The following MMP16 variants were observed in gnomAD, a reference collection of about 807,000 sequenced individuals.
MMP16 encodes the protein matrix metalloproteinase-16.
In MMP16, 12 loss-of-function variants were observed where a neutral mutation model predicts 67.8. That is an observed-to-expected ratio of 0.18 (90% CI 0.11 to 0.29). MMP16 has a LOEUF of 0.29. Ranked by LOEUF, MMP16 falls within the 10% of genes least tolerant of loss-of-function variation. The probability of loss-of-function intolerance (pLI) is 1.00; values close to 1 mark genes in which losing one functional copy is unlikely to be tolerated. For missense variants in MMP16, 475 were observed against 765.7 expected, an observed-to-expected ratio of 0.62 and a Z score of 4.48; for synonymous variants, 249 against 255.9, an observed-to-expected ratio of 0.97 and a Z score of 0.26.
intron 1 of MMP16, among the ~76,000 whole-genome samples, chr8:88,244,546 C>T (rs1202140270): frequency 6.6e-6 from 1 of 152,102 alleles, no homozygotes; most frequent in Non-Finnish European, 1.5e-5. Flanking sequence ...ATGTACTGAG[C>T]ATTCTTTATG....
chr8:88,048,003 T>C (rs1808220713), intron 8 of MMP16, among the ~76,000 whole-genome samples: 1 of 152,132 alleles, frequency 6.6e-6, no homozygotes, highest in South Asian at 2.1e-4. Flanking sequence ...AGATGTGGGA[T>C]GTGAAAGAGA....
At chr8:88,091,271 T>G (rs1176313824) in intron 6 of MMP16, among the ~76,000 whole-genome samples, 2 of 151,846 alleles carry the variant, frequency 1.3e-5, no homozygotes, top group Non-Finnish European at 2.9e-5. Context: ...ATAATACCTA[T>G]TTTCCCCCAA....
rs199648667 is a variant in MMP16, at chr8:88,165,196, A to G, written c.709+2473T>C. Reference sequence around the variant, plus strand: ...CCATCTCTAAAAAAAAAAAAAAAAAAAAAGAAAGAAAGAAAAAACCCAGCT... The same window carrying G: ...CCATCTCTAAAAAAAAAAAAAAAAAGAAAGAAAGAAAGAAAAAACCCAGCT... On this transcript the variant is annotated intron_variant, in intron 4 of 9. Transcript: ENST00000286614. Among the ~76,000 whole-genome samples, 527 of 150,456 alleles carry G rather than the reference A, an allele frequency of 3.5e-3. 5 individuals are homozygous for G. The highest frequency in any genetic ancestry group is 0.01 in the African/African-American group (427 of 41,040).
intron 6 of MMP16, among the ~76,000 whole-genome samples, chr8:88,095,341 AC>A (rs1354140719): frequency 6.6e-6 from 1 of 151,668 alleles, no homozygotes; most frequent in Non-Finnish European, 1.5e-5. Flanking sequence ...GTTAGAAAGT[AC>A]TAAGAGTCCT....
At chr8:88,085,720 C>T (rs1808823030) in intron 6 of MMP16, among the ~76,000 whole-genome samples, 1 of 151,870 alleles carries the variant, frequency 6.6e-6, no homozygotes, top group Admixed American at 6.6e-5. Flanking sequence ...AAAATGTAAA[C>T]TATTTTAATA....
chr8:88,302,692 GGAGAAA>G (rs1811122413), intron 1 of MMP16, among the ~76,000 whole-genome samples: 1 of 152,174 alleles, frequency 6.6e-6, no homozygotes, highest in Admixed American at 6.5e-5. Context: ...GTGAGTAAAA[GGAGAAA>G]GAGAATAGGA....
chr8:88,231,714 C>T (rs1026737215), intron 1 of MMP16, among the ~76,000 whole-genome samples: 1 of 152,152 alleles, frequency 6.6e-6, no homozygotes, highest in Non-Finnish European at 1.5e-5. Context: ...GGTAGGTTCC[C>T]ACTCCCCTAT....
intron 1 of MMP16, among the ~76,000 whole-genome samples, chr8:88,265,696 T>A (rs922630663): frequency 1.8e-4 from 27 of 152,180 alleles, no homozygotes; most frequent in Non-Finnish European, 1.3e-4. Flanking sequence ...ATATCTTGTT[T>A]TTTAAGAATA....
intron 1 of MMP16, among the ~76,000 whole-genome samples, chr8:88,202,568 G>T (rs924042622): frequency 2.6e-5 from 4 of 152,004 alleles, no homozygotes; most frequent in African/African-American, 7.3e-5. Flanking sequence ...CATCTGCTCA[G>T]ATTTTACTGT....
rs1263041699 is a variant in MMP16 at position 88,147,135 on chromosome 8, C to T, written c.709+20534G>A. 2.0e-5 allele frequency among the ~76,000 whole-genome samples: 3 copies of T among 151,946 alleles called. No individual in the cohort carries two copies. In the East Asian group the frequency reaches 5.8e-4, roughly 29 times the overall value. ...ATTATATTATCACCTGATCACTTTA[C>T]TTGCTTTCTTATGCTATAATTTCCA... On this transcript the variant is annotated intron_variant, in intron 4 of 9. Transcript: ENST00000286614.
At chr8:88,177,649 T>C (rs145041720) in intron 3 of MMP16, among the ~76,000 whole-genome samples, 194 of 152,328 alleles carry the variant, frequency 1.3e-3, no homozygotes, top group Non-Finnish European at 1.5e-3. Flanking sequence ...CTATTCTCCA[T>C]AATAAACGCC....
intron 1 of MMP16, among the ~76,000 whole-genome samples, chr8:88,268,574 T>C (rs1810515849): frequency 6.6e-6 from 1 of 152,170 alleles, no homozygotes; most frequent in Non-Finnish European, 1.5e-5. Flanking sequence ...AAAACAGAGG[T>C]TTTCTGGTTA....
chr8:88,075,130 C>A (rs2054415), intron 6 of MMP16, among the ~76,000 whole-genome samples: 7,958 of 152,040 alleles, frequency 0.052, 297 homozygotes, highest in East Asian at 0.2. Context: ...TGCAAAATCT[C>A]CACACCTACC....
At chr8:88,239,163 C>T (rs1417850529) in intron 1 of MMP16, among the ~76,000 whole-genome samples, 6 of 151,586 alleles carry the variant, frequency 4.0e-5, no homozygotes, top group East Asian at 1.9e-4. Context: ...GGCGTGGTGG[C>T]GCTTGCTTAT....
At chr8:88,218,971 C>T (rs1006672196) in intron 1 of MMP16, among the ~76,000 whole-genome samples, 1 of 151,966 alleles carries the variant, frequency 6.6e-6, no homozygotes, top group African/African-American at 2.4e-5. Flanking sequence ...GGAGCGTCAA[C>T]CATACACAAG....
chr8:88,112,715 C>A (rs1167614072), intron 6 of MMP16, among the ~76,000 whole-genome samples: 2 of 98,346 alleles, frequency 2.0e-5, no homozygotes, highest in African/African-American at 3.3e-5. Context: ...AGATACATAT[C>A]CCACCTCCTA....
At position 88,036,632 on chromosome 8, in the gene MMP16, A is replaced by C. The variant is rs1808057979; in HGVS notation, c.*4829T>G. The C allele has an allele frequency of 6.6e-6, 1 of 151,828 alleles. No individual in the cohort carries two copies. Among genetic ancestry groups the C allele is most frequent in the Admixed American group, 6.6e-5 (1 of 15,202 alleles). The allele number at this position is 151,828 out of a possible 1,614,324, so 9.4% of individuals were successfully genotyped here. A position where few individuals can be genotyped will look rare whatever the true frequency, so the allele number is the denominator to read the frequency against. ...CCTGTGGTCACAATATATCAACAAC[A>C]TGAAGGTACATGAAATACAGCCGAA... On this transcript the variant is annotated 3_prime_UTR_variant, in exon 10 of 10. Coordinates refer to ENST00000286614, the MANE Select transcript of MMP16 (RefSeq NM_005941.5).
intron 4 of MMP16, among the ~76,000 whole-genome samples, chr8:88,131,121 G>A (rs989202938): frequency 1.3e-5 from 2 of 151,658 alleles, no homozygotes; most frequent in Non-Finnish European, 2.9e-5. Flanking sequence ...TAAGGTAGAC[G>A]TAATCACCCC....
chr8:88,273,278 G>C (rs1323693181), intron 1 of MMP16, among the ~76,000 whole-genome samples: 1 of 147,352 alleles, frequency 6.8e-6, no homozygotes, highest in Non-Finnish European at 1.5e-5. Flanking sequence ...TTTTAGTAGA[G>C]ATGGGGTTTG....
Sources: allele counts gnomAD v4.1 joint callset (sites outside exome capture counted in the v4.1 genomes callset), GRCh38; gene constraint gnomAD v4.1.1; transcripts MANE v1.5; gene names NCBI Gene and HGNC (gene_info 2026-07-23, HGNC 2026-07-21).